Variants in CTNND2 observed in about 807,000 individuals in gnomAD.
The protein encoded by CTNND2 is catenin delta-2.
A neutral mutation model predicts 144.4 loss-of-function variants in CTNND2; 22 were observed. The ratio of observed to expected loss-of-function variants is 0.15; its 90% CI spans 0.11 to 0.22. The LOEUF is 0.22. CTNND2 is among the 10% of genes least tolerant of loss of function. The probability of loss-of-function intolerance (pLI) is 1.00; values close to 1 mark genes in which losing one functional copy is unlikely to be tolerated. For missense variants in CTNND2, 1,353 were observed against 1,618.8 expected (o/e 0.84, Z 2.82); for synonymous variants, 751 against 695.6 (o/e 1.08, Z -1.25).
chr5:11,125,305 A>C (rs1401219256), intron 12 of CTNND2, among the ~76,000 whole-genome samples: 1 of 152,206 alleles, frequency 6.6e-6, no homozygotes, highest in Non-Finnish European at 1.5e-5. Context: ...TCATTCTTCC[A>C]CGAGGGCTCA....
chr5:11,436,101 C>A (rs949945294), intron 3 of CTNND2, among the ~76,000 whole-genome samples: 1 of 151,922 alleles, frequency 6.6e-6, no homozygotes, highest in Non-Finnish European at 1.5e-5. Flanking sequence ...CGCTTGCTCT[C>A]GGGGGCTGGC....
chr5:11,275,948 C>T (rs995014719), intron 9 of CTNND2, among the ~76,000 whole-genome samples: 2 of 152,220 alleles, frequency 1.3e-5, no homozygotes, highest in Middle Eastern at 3.2e-3. Flanking sequence ...AATACTTGCA[C>T]ATGATCTAAA....
At chr5:11,266,319 T>A (rs1745438001) in intron 9 of CTNND2, among the ~76,000 whole-genome samples, 2 of 152,288 alleles carry the variant, frequency 1.3e-5, no homozygotes, top group South Asian at 4.1e-4. Flanking sequence ...TCGCCTCATT[T>A]CCATAATTAT....
At chr5:11,235,705 G>T in intron 10 of CTNND2, among the ~76,000 whole-genome samples, 1 of 152,164 alleles carries the variant, frequency 6.6e-6, no homozygotes, top group African/African-American at 2.4e-5. Context: ...GAGAACCATT[G>T]CTCTATATTC....
At chr5:11,663,675 C>T (rs1381637685) in intron 2 of CTNND2, among the ~76,000 whole-genome samples, 4 of 151,946 alleles carry the variant, frequency 2.6e-5, no homozygotes, top group African/African-American at 9.7e-5. Context: ...CTTGTAAAAA[C>T]CTTAAAATGC....
intron 16 of CTNND2, among the ~76,000 whole-genome samples, chr5:11,071,661 G>A (rs1190567838): frequency 1.3e-5 from 2 of 152,022 alleles, no homozygotes; most frequent in African/African-American, 2.4e-5. Context: ...CCTTGCAAAG[G>A]TAAGCGTGGC....
At chr5:11,457,874 A>G (rs969637226) in intron 3 of CTNND2, among the ~76,000 whole-genome samples, 12 of 152,088 alleles carry the variant, frequency 7.9e-5, no homozygotes, top group African/African-American at 2.4e-4. Flanking sequence ...AACCCCTTCT[A>G]TTCCTAACTC....
intron 1 of CTNND2, among the ~76,000 whole-genome samples, chr5:11,837,599 C>T (rs1459864301): frequency 6.6e-6 from 1 of 152,180 alleles, no homozygotes; most frequent in Non-Finnish European, 1.5e-5. Context: ...GATCTGCAAA[C>T]ATTTCTAATC....
chr5:11,714,404 A>C (rs963614400), intron 2 of CTNND2, among the ~76,000 whole-genome samples: 2 of 152,162 alleles, frequency 1.3e-5, no homozygotes, highest in African/African-American at 4.8e-5. Context: ...GTTACAGAGC[A>C]TTACACTGGT....
In CTNND2 at chr5:11,813,509, C is replaced by T. The variant is rs139487798; in HGVS notation, c.38-81237G>A. On this transcript the variant is annotated intron_variant, in intron 1 of 21. Coordinates refer to ENST00000304623, the MANE Select transcript of CTNND2 (RefSeq NM_001332.4). ...CACTTGTTATGGAAATGTATCAAAC[C>T]ATTTCTGCTCCTAATTTGGTCTTGT... is the stretch of plus-strand genomic sequence containing the variant. 8.8e-3 allele frequency among the ~76,000 whole-genome samples: 1,332 copies of T among 152,224 alleles called. 9 individuals carry two copies. The highest frequency in any genetic ancestry group is 0.019 in the South Asian group (93 of 4,808).
chr5:11,585,824 G>A (rs1181368788), intron 2 of CTNND2, among the ~76,000 whole-genome samples: 3 of 152,200 alleles, frequency 2.0e-5, no homozygotes, highest in Non-Finnish European at 2.9e-5. Flanking sequence ...GGTGAGGCGT[G>A]TGTATACCTG....
chr5:11,159,631 G>A lies in CTNND2; in HGVS notation c.2104C>T (p.Arg702Trp), dbSNP rs753918436. The change falls in exon 12 of 22, where the codon CGG (arginine) becomes TGG (tryptophan). Residue 702 changes from arginine (R) to tryptophan (W), a missense_variant. By Grantham distance (101) the Arg-to-Trp change is moderately radical (BLOSUM62 -3). Around this residue, in one of 4 missense-constraint regions of CTNND2, gnomAD observed 117 missense variants for 117.8 expected, o/e 0.99. Transcript: ENST00000304623. ...GWENSPLQDDRKIQLHSSQVL... is the reference protein window; with the variant it reads ...GWENSPLQDDWKIQLHSSQVL... ...TGTGATGAATGCAGCTGTATTTTCC[G>A]ATCATCCTGAAGAGGCGAATTTTCC... 5.0e-6 allele frequency: 8 copies of A among 1,613,574 alleles called. No homozygotes were observed. Among genetic ancestry groups the A allele is most frequent in the Middle Eastern group, 1.7e-4 (1 of 6,056 alleles).
At chr5:11,068,934 C>T (rs546870285) in intron 16 of CTNND2, among the ~76,000 whole-genome samples, 2 of 152,128 alleles carry the variant, frequency 1.3e-5, no homozygotes, top group South Asian at 2.1e-4. Context: ...AAAACAACAA[C>T]AAAAAAATAA....
At chr5:11,461,987 G>A (rs1461467961) in intron 3 of CTNND2, among the ~76,000 whole-genome samples, 2 of 152,038 alleles carry the variant, frequency 1.3e-5, no homozygotes, top group East Asian at 1.9e-4. Flanking sequence ...GTTCTGAACT[G>A]ACAAAATACC....
intron 1 of CTNND2, among the ~76,000 whole-genome samples, chr5:11,835,260 C>T (rs1794116312): frequency 6.6e-6 from 1 of 152,112 alleles, no homozygotes. Context: ...TGGCCTGTAG[C>T]CTTATTTTCT....
intron 2 of CTNND2, among the ~76,000 whole-genome samples, chr5:11,584,998 A>G (rs1778730954): frequency 6.6e-6 from 1 of 152,220 alleles, no homozygotes; most frequent in Admixed American, 6.5e-5. Flanking sequence ...TTTGGAGAAA[A>G]TGCAGATAAA....
chr5:11,070,942 A>G (rs992776198), intron 16 of CTNND2, among the ~76,000 whole-genome samples: 13 of 149,564 alleles, frequency 8.7e-5, no homozygotes, highest in African/African-American at 3.2e-4. Flanking sequence ...GTATATGGAG[A>G]GGGAAGAGGA....
chr5:11,636,711 T>C lies in CTNND2; in HGVS notation c.175-71655A>G, dbSNP rs376779608. Among the ~76,000 whole-genome samples the C allele has an allele frequency of 1.1e-4, 16 of 152,310 alleles. 1 individual carries two copies. The East Asian group carries it at 1.9e-3, about 18-fold the overall frequency. On this transcript the variant is annotated intron_variant, in intron 2 of 21. Transcript: ENST00000304623. ...AAGGCACTTCTGAAACATTAGAAAG[T>C]GTGTCATCTTGGCAGCCAGCTGAAG...
intron 1 of CTNND2, among the ~76,000 whole-genome samples, chr5:11,886,975 CTTT>C (rs36178842): frequency 0.016 from 1,307 of 83,072 alleles, 3 homozygotes; most frequent in African/African-American, 0.027. Context: ...TATCCTACTG[CTTT>C]TTTTTTTTTT....
Sources: gnomAD v4.1 joint callset for allele counts (sites outside exome capture counted in the v4.1 genomes callset) on GRCh38, gnomAD v4.1.1 for gene constraint, gnomAD v4.1.1 regional missense constraint, MANE v1.5 for transcripts, NCBI Gene and HGNC (gene_info 2026-07-23, HGNC 2026-07-21) for gene names.